DPP6: variants seen among roughly 807,000 people sequenced by gnomAD.
The protein encoded by DPP6 is dipeptidyl peptidase like 6.
A neutral mutation model predicts 122.6 loss-of-function variants in DPP6; 69 were observed. That is an observed-to-expected ratio of 0.56 (90% confidence interval 0.46 to 0.69). The LOEUF (loss-of-function observed/expected upper bound fraction) is 0.69. DPP6 is among the 30% of genes least tolerant of loss of function. The probability of loss-of-function intolerance (pLI) is 0.00; values close to 1 mark genes in which losing one functional copy is unlikely to be tolerated. For missense variants in DPP6, 928 were observed against 1,116.9 expected (o/e 0.83, Z 2.41); for synonymous variants, 418 against 433.1 (o/e 0.97, Z 0.43).
intron 2 of DPP6, among the ~76,000 whole-genome samples, chr7:154,470,648 C>T (rs1177382191): frequency 6.6e-6 from 1 of 152,228 alleles, no homozygotes; most frequent in Non-Finnish European, 1.5e-5. Context: ...CATTGGCCAC[C>T]GTAAAGAGTA....
At chr7:153,828,089 C>A in the DPP6 span, among the ~76,000 whole-genome samples, 1 of 152,120 alleles carries the variant, frequency 6.6e-6, no homozygotes, top group African/African-American at 2.4e-5. Context: ...CCCACAGCAG[C>A]AAGAAGCCCT....
At chr7:154,026,761 A>G (rs917215716) in intron 1 of DPP6, 6 of 152,082 alleles carry the variant, frequency 3.9e-5, no homozygotes, top group African/African-American at 1.4e-4. Flanking sequence ...TCAATAGCAT[A>G]AAACTGCTAT....
At chr7:153,918,462 A>T (rs201773381) in intron 1 of DPP6, among the ~76,000 whole-genome samples, 29,071 of 78,496 alleles carry the variant, frequency 0.37, 3,886 homozygotes, top group East Asian at 0.46. Context: ...ACACACACAC[A>T]CACACTCTCT....
chr7:154,003,168 G>T (rs1797760394), intron 1 of DPP6, among the ~76,000 whole-genome samples: 1 of 152,198 alleles, frequency 6.6e-6, no homozygotes. Flanking sequence ...GGTTTTACAA[G>T]AACTGCTTTG....
intron 3 of DPP6, among the ~76,000 whole-genome samples, chr7:154,517,830 T>C (rs1231094251): frequency 6.6e-6 from 1 of 152,046 alleles, no homozygotes; most frequent in Admixed American, 6.6e-5. Context: ...ACTTAAGAAA[T>C]CCATTTCCTA....
intron 5 of DPP6, among the ~76,000 whole-genome samples, chr7:154,607,279 G>A (rs1386297407): frequency 8.4e-6 from 1 of 119,536 alleles, no homozygotes; most frequent in Admixed American, 9.4e-5. Context: ...AAAAAGTTGA[G>A]CCGGGCGCGG....
intron 16 of DPP6, among the ~76,000 whole-genome samples, chr7:154,815,216 A>G (rs1799342975): frequency 6.6e-6 from 1 of 152,218 alleles, no homozygotes; most frequent in Non-Finnish European, 1.5e-5. Context: ...TCACTGAAGG[A>G]AGTAATGTGA....
At chr7:154,665,708 T>A (rs7790783) in intron 6 of DPP6, among the ~76,000 whole-genome samples, 120,098 of 151,960 alleles carry the variant, frequency 0.79, 49,037 homozygotes, top group South Asian at 0.91. Context: ...CAGGACATAT[T>A]TGTATGTATA....
chr7:154,741,277 A>G (rs1380364698), intron 8 of DPP6, among the ~76,000 whole-genome samples: 1 of 152,218 alleles, frequency 6.6e-6, no homozygotes, highest in Non-Finnish European at 1.5e-5. Flanking sequence ...CAAGCTCATG[A>G]TTCTGGGCAC....
rs1387884531 is a variant in DPP6 at position 153,966,136 on chromosome 7, C to T, written c.51+78402C>T. Among the ~76,000 whole-genome samples, 9 of 96,120 alleles carry T rather than the reference C, an allele frequency of 9.4e-5. 2 individuals are homozygous for T. The South Asian group carries it at 2.8e-3, about 30-fold the overall frequency. 63.1% of individuals were successfully genotyped at this position (96,120 alleles called of 152,430 possible). On this transcript the variant is annotated intron_variant, in intron 1 of 25. Coordinates refer to the DPP6 transcript ENST00000404039. ...TGGAATCAAAGACGAATCATGAAAG[C>T]GACCCCTCTCGTGGCGTTGAAAAGC...
intron 16 of DPP6, among the ~76,000 whole-genome samples, chr7:154,843,929 AAGAGTAAATGCT>A (rs1224697013): frequency 6.6e-6 from 1 of 152,238 alleles, no homozygotes; most frequent in African/African-American, 2.4e-5. Context: ...TGAGCTCCCT[AAGAGTAAATGCT>A]TTGTCTATTT....
chr7:154,591,043 G>A (rs1188345964), intron 5 of DPP6, among the ~76,000 whole-genome samples: 2 of 152,126 alleles, frequency 1.3e-5, no homozygotes, highest in Non-Finnish European at 2.9e-5. Flanking sequence ...AGACTAGGGA[G>A]CAAAATCAAC....
At chr7:154,574,784 T>G (rs1381691592) in intron 5 of DPP6, among the ~76,000 whole-genome samples, 1 of 103,544 alleles carries the variant, frequency 9.7e-6, no homozygotes, top group Admixed American at 1.1e-4. Context: ...TGCATATGTG[T>G]GTGTGTGTGG....
intron 3 of DPP6, among the ~76,000 whole-genome samples, chr7:154,504,747 T>A (rs555992294): frequency 2.4e-4 from 36 of 152,158 alleles, no homozygotes; most frequent in South Asian, 4.1e-4. Context: ...ATTTAGGCAG[T>A]TTTTGGTTAA....
chr7:153,865,669 A>G, the DPP6 span, among the ~76,000 whole-genome samples: 4 of 152,196 alleles, frequency 2.6e-5, no homozygotes, highest in African/African-American at 9.6e-5. Context: ...TATTATTACT[A>G]TATTTAAGTT....
chr7:153,849,605 C>T, the DPP6 span, among the ~76,000 whole-genome samples: 1 of 152,116 alleles, frequency 6.6e-6, no homozygotes, highest in Non-Finnish European at 1.5e-5. Context: ...GTCTATTTAG[C>T]AATTTTTCTG....
intron 1 of DPP6, among the ~76,000 whole-genome samples, chr7:154,177,463 A>G (rs1218877721): frequency 6.6e-6 from 1 of 152,210 alleles, no homozygotes; most frequent in Non-Finnish European, 1.5e-5. Flanking sequence ...ATCAACAGAA[A>G]GGATAAAGGT....
chr7:154,857,819 G>A (rs1802970491), intron 17 of DPP6, among the ~76,000 whole-genome samples: 1 of 152,170 alleles, frequency 6.6e-6, no homozygotes, highest in South Asian at 2.1e-4. Flanking sequence ...CCATTGTCAG[G>A]CCAGCACTTC....
intron 10 of DPP6, among the ~76,000 whole-genome samples, chr7:154,789,656 GA>G (rs1327320149): frequency 6.6e-6 from 1 of 152,212 alleles, no homozygotes; most frequent in Non-Finnish European, 1.5e-5. Flanking sequence ...CCTCTGTCTG[GA>G]GAGTCCACAC....
Sources: allele counts gnomAD v4.1 joint callset (sites outside exome capture counted in the v4.1 genomes callset), GRCh38; gene constraint gnomAD v4.1.1; transcripts MANE v1.5; gene names NCBI Gene and HGNC (gene_info 2026-07-23, HGNC 2026-07-21).